WWP2: variants seen among roughly 807,000 people sequenced by gnomAD.
The protein encoded by WWP2 is WW domain containing E3 ubiquitin protein ligase 2, also known as NEDD4-like E3 ubiquitin-protein ligase WWP2.
In WWP2, 57 loss-of-function variants were observed where a neutral mutation model predicts 121.0. The ratio of observed to expected loss-of-function variants is 0.47; its 90% CI spans 0.38 to 0.59. The LOEUF is 0.59. Ranked by LOEUF, WWP2 falls within the 20% of genes least tolerant of loss-of-function variation. The pLI is 0.00. For synonymous variants in WWP2, 449 were observed against 441.3 expected, an observed-to-expected ratio of 1.02 and a Z score of -0.22; for missense variants, 962 against 1,158.9, an observed-to-expected ratio of 0.83 and a Z score of 2.47.
intron 6 of WWP2, among the ~76,000 whole-genome samples, chr16:69,854,717 A>C (rs895713376): frequency 6.6e-6 from 1 of 151,934 alleles, no homozygotes; most frequent in Non-Finnish European, 1.5e-5. Flanking sequence ...CGCCTGGATA[A>C]TTTTTGTATT....
At chr16:69,771,224 TTC>T (rs2055407210) in intron 1 of WWP2, among the ~76,000 whole-genome samples, 1 of 152,130 alleles carries the variant, frequency 6.6e-6, no homozygotes, top group Non-Finnish European at 1.5e-5. Flanking sequence ...TGTAGTTGTT[TTC>T]TCCTGTCAAA....
intron 16 of WWP2, among the ~76,000 whole-genome samples, chr16:69,933,702 C>A (rs1351048041): frequency 6.6e-6 from 1 of 152,182 alleles, no homozygotes; most frequent in Non-Finnish European, 1.5e-5. Flanking sequence ...AGTCTTGGAA[C>A]ACATCACCTG....
intron 6 of WWP2, among the ~76,000 whole-genome samples, chr16:69,862,105 G>T (rs534512661): frequency 6.6e-6 from 1 of 152,282 alleles, no homozygotes; most frequent in East Asian, 1.9e-4. Flanking sequence ...CGCTCTTGTT[G>T]CCCCGGCTGG....
At chr16:69,907,548 G>T (rs1166594410) in intron 8 of WWP2, among the ~76,000 whole-genome samples, 2 of 152,180 alleles carry the variant, frequency 1.3e-5, no homozygotes, top group Non-Finnish European at 1.5e-5. Context: ...TGAGAAAGTG[G>T]TAAGCATTAT....
chr16:69,927,453 C>CT (rs2058655728), intron 11 of WWP2, among the ~76,000 whole-genome samples: 1 of 152,220 alleles, frequency 6.6e-6, no homozygotes, highest in Non-Finnish European at 1.5e-5. Flanking sequence ...CTGAATATGT[C>CT]TGAGTCCCTT....
At chr16:69,833,360 C>G (rs2056824342) in intron 4 of WWP2, among the ~76,000 whole-genome samples, 1 of 152,230 alleles carries the variant, frequency 6.6e-6, no homozygotes, top group Non-Finnish European at 1.5e-5. Context: ...GTGTGTCTCT[C>G]TGTCCCTCAT....
chr16:69,787,847 C>T (rs921804357), intron 2 of WWP2: 2 of 152,218 alleles, frequency 1.3e-5, no homozygotes, highest in Non-Finnish European at 2.9e-5. Context: ...GTTTTTCTTC[C>T]TCATTGTCTG....
At chr16:69,887,915 T>A (rs1239376259) in intron 7 of WWP2, 124 bp from the exon 8 acceptor site, 3 of 1,171,778 alleles carry the variant, frequency 2.6e-6, no homozygotes, top group Non-Finnish European at 3.6e-6. Flanking sequence ...CTTTTTGCTG[T>A]CGCCCAATAC....
chr16:69,904,127 C>G (rs2058250671), intron 8 of WWP2, among the ~76,000 whole-genome samples: 1 of 152,212 alleles, frequency 6.6e-6, no homozygotes, highest in Non-Finnish European at 1.5e-5. Context: ...TCAGGACTTT[C>G]TTCATTTCCA....
At chr16:69,774,367 C>T (rs2055479757) in intron 1 of WWP2, among the ~76,000 whole-genome samples, 1 of 151,934 alleles carries the variant, frequency 6.6e-6, no homozygotes, top group Non-Finnish European at 1.5e-5. Context: ...GCGATCCTCC[C>T]ACCTCACCTC....
intron 9 of WWP2, among the ~76,000 whole-genome samples, chr16:69,912,229 C>G: frequency 6.6e-6 from 1 of 151,140 alleles, no homozygotes; most frequent in Non-Finnish European, 1.5e-5. Flanking sequence ...GCGGAGGTTA[C>G]AGTGAGCTGA....
chr16:69,788,445 A>G (rs920231104), intron 2 of WWP2, among the ~76,000 whole-genome samples: 1 of 151,996 alleles, frequency 6.6e-6, no homozygotes, highest in African/African-American at 2.4e-5. Context: ...CACATTTCTC[A>G]TCTCCTGTTC....
chr16:69,795,733 C>T (rs963057289), intron 2 of WWP2, among the ~76,000 whole-genome samples: 8 of 137,190 alleles, frequency 5.8e-5, no homozygotes, highest in South Asian at 2.3e-4. Context: ...CTGTAGCCTC[C>T]GCCTCCTGGG....
chr16:69,912,894 C>A, intron 9 of WWP2, among the ~76,000 whole-genome samples: 1 of 110,318 alleles, frequency 9.1e-6, no homozygotes, highest in Non-Finnish European at 1.8e-5. Context: ...CTAGCCTGGG[C>A]AACATATGGA....
intron 4 of WWP2, among the ~76,000 whole-genome samples, chr16:69,818,416 A>T (rs960013936): frequency 5.3e-5 from 8 of 152,042 alleles, no homozygotes; most frequent in African/African-American, 1.9e-4. Context: ...CATGTTGACT[A>T]GGCTGGTCTC....
At chr16:69,889,208 C>T (rs1442884039) in intron 8 of WWP2, among the ~76,000 whole-genome samples, 5 of 152,170 alleles carry the variant, frequency 3.3e-5, no homozygotes, top group East Asian at 1.9e-4. Flanking sequence ...TGCCTGTAGT[C>T]GTAGCTACTG....
intron 6 of WWP2, among the ~76,000 whole-genome samples, chr16:69,849,333 C>T (rs1202629202): frequency 6.6e-6 from 1 of 152,224 alleles, no homozygotes. Context: ...TGACTAAAGG[C>T]TGCTTGATTG....
At chr16:69,781,169 C>T (rs1427633476) in intron 1 of WWP2, among the ~76,000 whole-genome samples, 2 of 151,048 alleles carry the variant, frequency 1.3e-5, no homozygotes, top group Non-Finnish European at 2.9e-5. Context: ...TCTGTCTGCA[C>T]GTTCAAGGGA....
chr16:69,914,921 A>C (rs929713277), intron 9 of WWP2, among the ~76,000 whole-genome samples: 11 of 152,230 alleles, frequency 7.2e-5, no homozygotes, highest in African/African-American at 2.4e-4. Context: ...TATCGCACCA[A>C]ATCCCACCAG....
Sources: allele counts gnomAD v4.1 joint callset (sites outside exome capture counted in the v4.1 genomes callset), GRCh38; gene constraint gnomAD v4.1.1; transcripts MANE v1.5; gene names NCBI Gene and HGNC (gene_info 2026-07-23, HGNC 2026-07-21).